The following ABCC1 variants were observed in gnomAD, a reference collection of about 807,000 sequenced individuals.
ABCC1 encodes multidrug resistance-associated protein 1.
Under a neutral mutation model 172.9 loss-of-function variants are expected in ABCC1, and 83 were observed. The ratio of observed to expected loss-of-function variants is 0.48; its 90% CI spans 0.40 to 0.58. ABCC1 has a LOEUF of 0.58. Among genes scored for constraint, ABCC1 ranks in the 20% least tolerant of loss-of-function variants. The probability of loss-of-function intolerance (pLI) is 0.00; values close to 1 mark genes in which losing one functional copy is unlikely to be tolerated. For synonymous variants in ABCC1, 937 were observed against 825.2 expected (o/e 1.14, Z -2.32); for missense variants, 1,817 against 2,002.7 (o/e 0.91, Z 1.77).
At chr16:15,992,343 CCTGT>C (rs1280094809) in intron 1 of ABCC1, among the ~76,000 whole-genome samples, 1 of 152,078 alleles carries the variant, frequency 6.6e-6, no homozygotes, top group Non-Finnish European at 1.5e-5. Context: ...CATCCCCTAC[CCTGT>C]CTGTGAAAAA....
chr16:15,949,482 G>C (rs1420096535), upstream of ABCC1: 1 of 145,452 alleles, frequency 6.9e-6, no homozygotes, highest in African/African-American at 2.5e-5. Flanking sequence ...GAGGTGGCTG[G>C]TCCGGCTGCC....
intron 1 of ABCC1, among the ~76,000 whole-genome samples, chr16:15,999,769 T>TTCTCTCTCTCCCTCTC (rs2047186883): frequency 3.9e-5 from 1 of 25,360 alleles, no homozygotes. Flanking sequence ...CCCGGCCTCT[T>TTCTCTCTCTCCCTCTC]TCTCTCTCTC....
In ABCC1 at chr16:16,106,823, A is replaced by G. The variant is rs1555499851; in HGVS notation, c.2821A>G (p.Lys941Glu). The G allele has an allele frequency of 4.3e-6, 7 of 1,614,156 alleles. No individual in the cohort carries two copies. Residue 941 changes from lysine (K) to glutamate (E), a missense_variant, in exon 21 of 31, where the codon AAG (lysine) becomes GAG (glutamate). Coordinates refer to ENST00000399410, the MANE Select transcript of ABCC1 (RefSeq NM_004996.4). ...TAELQKAEAK[K>E]EETWKLMEAD... ...AGAACTGCAGAAAGCTGAGGCCAAG[A>G]AGGAGGAGACCTGGAAGCTGATGGA... is the stretch of plus-strand genomic sequence containing the variant.
intron 17 of ABCC1, among the ~76,000 whole-genome samples, chr16:16,084,240 T>G (rs2050920377): frequency 1.3e-5 from 2 of 152,038 alleles, no homozygotes. Context: ...GGGGCTGGAA[T>G]TACAGGTGCA....
rs1324181417 is a variant in ABCC1 at position 16,071,647 on chromosome 16, T to C, written c.1830T>C (p.Ser610=). ...TGCCATTGCTCTCTGTACAGGCGAG[T>C]GTCTCCCTCAAACGCCTGAGGATCT... is the stretch of plus-strand genomic sequence containing the variant. ...PMVISSIVQA[S]VSLKRLRIFL... Residue 610 remains serine, a synonymous_variant, in exon 14 of 31, where the codon AGT becomes AGC. Transcript: ENST00000399410. 1 of 1,613,772 alleles carries C rather than the reference T, an allele frequency of 6.2e-7. No individual in the cohort carries two copies. Among genetic ancestry groups the C allele is most frequent in the South Asian group, 1.1e-5 (1 of 91,008 alleles).
chr16:16,110,836 A>T (rs2052353906), intron 21 of ABCC1, among the ~76,000 whole-genome samples: 1 of 152,108 alleles, frequency 6.6e-6, no homozygotes, highest in African/African-American at 2.4e-5. Context: ...TTTATCTGGG[A>T]TGATTTTATG....
At chr16:16,032,343 A>G (rs1388035329) in intron 5 of ABCC1, among the ~76,000 whole-genome samples, 1 of 152,080 alleles carries the variant, frequency 6.6e-6, no homozygotes, top group African/African-American at 2.4e-5. Flanking sequence ...TGAAGATTAA[A>G]TAAGGTAGTT....
intron 14 of ABCC1, among the ~76,000 whole-genome samples, chr16:16,074,507 T>A (rs570655065): frequency 1.3e-5 from 2 of 152,208 alleles, no homozygotes; most frequent in African/African-American, 4.8e-5. Flanking sequence ...CACAGCTCAA[T>A]GCAAGCATCA....
intron 1 of ABCC1, among the ~76,000 whole-genome samples, chr16:15,987,371 C>A (rs1482550731): frequency 6.6e-6 from 1 of 152,112 alleles, no homozygotes; most frequent in African/African-American, 2.4e-5. Context: ...AGCTGAAGCC[C>A]CATCTGCCTG....
In ABCC1 at chr16:16,134,453, A is replaced by G. The variant is rs200768421; in HGVS notation, c.4070A>G (p.Asn1357Ser). Reference sequence around the variant, plus strand: ...GGAGAGATCATCATCGATGGCATCAACATCGCCAAGATCGGCCTGCACGAC... The same window carrying G: ...GGAGAGATCATCATCGATGGCATCAGCATCGCCAAGATCGGCCTGCACGAC... ...AEGEIIIDGI[N>S]IAKIGLHDLR... is the part of the protein sequence containing the mutation. The change falls in exon 28 of 31, where the codon AAC (asparagine) becomes AGC (serine). Residue 1357 changes from asparagine to serine, a missense_variant. By Grantham distance (46) the Asn-to-Ser change is conservative (BLOSUM62 1). Transcript: ENST00000399410. The G allele has an allele frequency of 1.3e-4, 204 of 1,614,054 alleles. No individual in the cohort carries two copies. The highest frequency in any genetic ancestry group is 1.7e-4 in the Non-Finnish European group (200 of 1,180,032).
At chr16:16,098,992 G>A (rs1419825478) in intron 19 of ABCC1, 15 of 1,155,534 alleles carry the variant, frequency 1.3e-5, no homozygotes, top group African/African-American at 3.1e-5. Flanking sequence ...GGGAGGTGCC[G>A]TCAGATGTCT....
At chr16:15,980,625 G>A (rs1310559236) in intron 1 of ABCC1, among the ~76,000 whole-genome samples, 2 of 152,094 alleles carry the variant, frequency 1.3e-5, no homozygotes, top group Non-Finnish European at 2.9e-5. Context: ...GTCTCTCACT[G>A]GGTTCCTCCC....
intron 1 of ABCC1, among the ~76,000 whole-genome samples, chr16:15,998,870 A>G (rs2047147392): frequency 6.6e-6 from 1 of 152,148 alleles, no homozygotes; most frequent in Non-Finnish European, 1.5e-5. Context: ...ATTATTATCA[A>G]CTATTAGTAT....
At position 15,949,740 on chromosome 16, in the gene ABCC1, CGCGCCACCG is replaced by C; in HGVS notation, c.-9_-1del. 1 of 1,174,174 alleles carries C rather than the reference CGCGCCACCG, an allele frequency of 8.5e-7. No homozygotes were observed. The highest frequency in any genetic ancestry group is 1.1e-6 in the Non-Finnish European group (1 of 948,994). The allele number at this position is 1,174,174 out of a possible 1,614,324, so 72.7% of individuals were successfully genotyped here. ...CCGCCGCCCGGTGCCCGCCGCCGCC[CGCGCCACCG>C]GCATGGCGCTCCGGGGCTTCTGCAG... On this transcript the variant is annotated 5_prime_UTR_variant, in exon 1 of 31. Transcript: ENST00000399410.
chr16:16,136,695 C>A, intron 29 of ABCC1, 51 bp downstream of exon 29: 1 of 1,589,580 alleles, frequency 6.3e-7, no homozygotes, highest in Non-Finnish European at 8.6e-7. Context: ...TAGGCGCCAT[C>A]TCGGTAGGGG....
At chr16:16,081,364 T>C (rs538364662) in intron 16 of ABCC1, among the ~76,000 whole-genome samples, 1 of 152,294 alleles carries the variant, frequency 6.6e-6, no homozygotes, top group African/African-American at 2.4e-5. Context: ...TGGAAGAAAA[T>C]TCCAAATCCC....
rs397855738 is a variant in ABCC1, at chr16:16,118,883, T to TA, written c.3391-3070dup. The stretch of plus-strand genomic sequence containing the variant: ...GGCAGTCTCATTCCTAAGTGTATAT[T>TA]AAAAAAAAAAAAAAAAAAAAAAGAG... On this transcript the variant is annotated intron_variant, in intron 23 of 30. Transcript: ENST00000399410. Among the ~76,000 whole-genome samples, 390 of 118,420 alleles carry TA rather than the reference T, an allele frequency of 3.3e-3. 1 individual carries two copies. The highest frequency in any genetic ancestry group is 0.032 in the Middle Eastern group (7 of 218). The allele number at this position is 118,420 out of a possible 152,430, so 77.7% of individuals were successfully genotyped here.
In ABCC1 at chr16:16,037,101, C is replaced by CAA. The variant is rs767426927; in HGVS notation, c.809+510_809+511dup. 2.9e-3 allele frequency among the ~76,000 whole-genome samples: 402 copies of CAA among 138,612 alleles called. 3 individuals carry two copies. The highest frequency in any genetic ancestry group is 9.1e-3 in the African/African-American group (351 of 38,468). 90.9% of individuals were successfully genotyped at this position (138,612 alleles called of 152,430 possible). A position where few individuals can be genotyped will look rare whatever the true frequency, so the allele number is the denominator to read the frequency against. ...TGGGAGACAGAGTGAGACTCCGTCT[C>CAA]AAAAAAAAAAAAAGAAGAAAAATGT... is the stretch of plus-strand genomic sequence containing the variant. On this transcript the variant is annotated intron_variant, in intron 7 of 30. Transcript: ENST00000399410.
At chr16:15,965,658 G>A (rs372928728) in intron 1 of ABCC1, among the ~76,000 whole-genome samples, 4 of 151,834 alleles carry the variant, frequency 2.6e-5, no homozygotes, top group South Asian at 2.1e-4. Context: ...AGTGCATTGC[G>A]CAATCTTGGC....
Sources: gnomAD v4.1 joint callset for allele counts (sites outside exome capture counted in the v4.1 genomes callset) on GRCh38, gnomAD v4.1.1 for gene constraint, MANE v1.5 for transcripts, NCBI Gene and HGNC (gene_info 2026-07-23, HGNC 2026-07-21) for gene names.